IFI6: variants seen among roughly 807,000 people sequenced by gnomAD.
IFI6 encodes interferon alpha-inducible protein 6.
In IFI6, 10 loss-of-function variants were observed where a neutral mutation model predicts 12.7. That is an observed-to-expected ratio of 0.79 (90% CI 0.49 to 1.33). The LOEUF is 1.33. Among genes scored for constraint, IFI6 ranks in the 40% most tolerant of loss-of-function variants. The probability of loss-of-function intolerance (pLI) is 0.00; values close to 1 mark genes in which losing one functional copy is unlikely to be tolerated. For missense variants in IFI6, 154 were observed against 180.4 expected, an observed-to-expected ratio of 0.85 and a Z score of 0.84; for synonymous variants, 89 against 86.2, an observed-to-expected ratio of 1.03 and a Z score of -0.18.
At chr1:27,671,611 C>T (rs2090405010) in intron 1 of IFI6, among the ~76,000 whole-genome samples, 1 of 151,790 alleles carries the variant, frequency 6.6e-6, no homozygotes, top group African/African-American at 2.4e-5. Context: ...TGGTCTCGAT[C>T]TCCTGACCTC....
rs10649401 is a variant in IFI6, at chr1:27,666,289, C to CAAA, written c.*89_*91dup. 0.11 allele frequency: 26,890 copies of CAAA among 241,052 alleles called. 718 individuals carry two copies. The highest frequency in any genetic ancestry group is 0.21 in the African/African-American group (4,074 of 19,338). The allele number at this position is 241,052 out of a possible 1,614,324, so 14.9% of individuals were successfully genotyped here. ...TGGACAATATAGTGAGAACCCATCT[C>CAAA]AAAAAAAAAAAAAAAAAAAAAAAGG... On this transcript the variant is annotated 3_prime_UTR_variant, in exon 5 of 5. Transcript: ENST00000361157.
chr1:27,669,702 T>C, intron 1 of IFI6: 1 of 271,780 alleles, frequency 3.7e-6, no homozygotes, highest in South Asian at 3.8e-5. Context: ...TGTTTATTTC[T>C]AAAATTGGGG....
intron 2 of IFI6, 32 bp downstream of exon 2, chr1:27,669,213 C>CAG (rs1333875609): frequency 6.5e-7 from 1 of 1,546,006 alleles, no homozygotes; most frequent in Non-Finnish European, 8.8e-7. Flanking sequence ...CCTTACCTGT[C>CAG]CCCTTACCTG....
chr1:27,666,893 G>T (rs541344892), intron 4 of IFI6, among the ~76,000 whole-genome samples: 1 of 152,248 alleles, frequency 6.6e-6, no homozygotes, highest in East Asian at 1.9e-4. Flanking sequence ...CATTGCAGGG[G>T]TGTGGCCCCG....
intron 4 of IFI6, among the ~76,000 whole-genome samples, chr1:27,667,794 G>C (rs1283536663): frequency 1.3e-5 from 2 of 152,220 alleles, no homozygotes; most frequent in Non-Finnish European, 2.9e-5. Context: ...TTTCTGGCCG[G>C]ACGCGGTGAC....
chr1:27,670,350 C>T (rs2090394920), intron 1 of IFI6: 1 of 152,126 alleles, frequency 6.6e-6, no homozygotes, highest in African/African-American at 2.4e-5. Context: ...GCAGTGGCCC[C>T]ATCTCAGCTC....
At chr1:27,666,749 G>A (rs2808429) in intron 4 of IFI6, among the ~76,000 whole-genome samples, 124,251 of 152,106 alleles carry the variant, frequency 0.82, 54,543 homozygotes, top group Non-Finnish European at 0.97. Context: ...AGCCACCTTC[G>A]TGGAGCCCTG....
At chr1:27,667,240 CAAAAAAAAAA>C (rs761365595) in intron 4 of IFI6, among the ~76,000 whole-genome samples, 2 of 12,268 alleles carry the variant, frequency 1.6e-4, no homozygotes, top group Non-Finnish European at 2.2e-4. Flanking sequence ...CCCGTCTCTA[CAAAAAAAAAA>C]AAAAAAAAAA....
chr1:27,666,966 A>C (rs367614897), intron 4 of IFI6, among the ~76,000 whole-genome samples: 1 of 150,150 alleles, frequency 6.7e-6, no homozygotes, highest in Middle Eastern at 3.4e-3. Context: ...GAATTGAGAG[A>C]AGAGAAGATG....
chr1:27,671,102 TCA>T (rs1026856612), intron 1 of IFI6, among the ~76,000 whole-genome samples: 2 of 152,186 alleles, frequency 1.3e-5, no homozygotes, highest in Non-Finnish European at 2.9e-5. Context: ...GCCCTCAGAC[TCA>T]CCTCTAATAT....
Position 27,668,364 on chromosome 1 carries a change from C to T in IFI6, c.160G>A (p.Ala54Thr). 3 of 1,567,030 alleles carry T rather than the reference C, an allele frequency of 1.9e-6. No homozygotes were observed. Among genetic ancestry groups the T allele is most frequent in the Non-Finnish European group, 2.6e-6 (3 of 1,155,822 alleles). ...FMAVGGGLAVAGLPALGFTGA... is the reference protein window; with the variant it reads ...FMAVGGGLAVTGLPALGFTGA... ...GTGAAGCCCAGCGCGGGCAGCCCGG[C>T]GACTGCGAGTCCTGGAGGAACAGGA... is the stretch of plus-strand genomic sequence containing the variant. Residue 54 changes from alanine to threonine, a missense_variant, in exon 4 of 5, where the codon GCC becomes ACC. Ala to Thr is a moderately conservative substitution (Grantham distance 58). Transcript: ENST00000361157.
At chr1:27,667,713 G>A (rs966166494) in intron 4 of IFI6, among the ~76,000 whole-genome samples, 9 of 152,312 alleles carry the variant, frequency 5.9e-5, no homozygotes, top group Middle Eastern at 6.8e-3. Flanking sequence ...GGGGCTTCTC[G>A]CATTGTACTG....
intron 4 of IFI6, among the ~76,000 whole-genome samples, chr1:27,667,584 T>C (rs567699378): frequency 1.3e-5 from 2 of 152,316 alleles, no homozygotes; most frequent in African/African-American, 4.8e-5. Flanking sequence ...GTCTCTGAGA[T>C]TGAGCAGATT....
rs1452814594 is a variant in IFI6, at chr1:27,669,544, G to A, written c.-32-198C>T. ...AGAGATGTCCCTGCCCCAACCGGTG[G>A]GTGTGCGGATTCTGTGCGGATTCGC... On this transcript the variant is annotated intron_variant, in intron 1 of 4. Transcript: ENST00000361157. The A allele has an allele frequency of 1.1e-5, 6 of 531,786 alleles. No homozygotes were observed. In the Middle Eastern group the frequency reaches 2.1e-3, roughly 186 times the overall value. The allele number at this position is 531,786 out of a possible 1,614,324, so 32.9% of individuals were successfully genotyped here.
At chr1:27,668,614 G>A in intron 2 of IFI6, 79 bp from the exon 3 acceptor site, 1 of 1,168,100 alleles carries the variant, frequency 8.6e-7, no homozygotes, top group South Asian at 1.4e-5. Flanking sequence ...TGATGCTCAG[G>A]ACCACTCCTG....
At position 27,668,269 on chromosome 1, in the gene IFI6, G is replaced by A. The variant is rs1186172932; in HGVS notation, c.255C>T (p.Gly85=). 7.0e-6 allele frequency: 11 copies of A among 1,579,586 alleles called. No individual in the cohort carries two copies. Among genetic ancestry groups the A allele is most frequent in the Non-Finnish European group, 9.4e-6 (11 of 1,167,812 alleles). The change falls in exon 4 of 5, where the codon GGC becomes GGT. Residue 85 remains glycine, a synonymous_variant. Coordinates refer to ENST00000361157, the MANE Select transcript of IFI6 (RefSeq NM_002038.4). ...LMSWSAILNG[G]GVPAGGLVAT... is the part of the protein sequence containing the mutation. The stretch of plus-strand genomic sequence containing the variant: ...CCACTAGCCCCCCGGCGGGCACGCC[G>A]CCCCCATTCAGGATCGCAGACCAGC...
At chr1:27,667,629 G>C (rs953540431) in intron 4 of IFI6, among the ~76,000 whole-genome samples, 1 of 152,148 alleles carries the variant, frequency 6.6e-6, no homozygotes, top group Non-Finnish European at 1.5e-5. Context: ...TCATCCCCAC[G>C]CACCGCTGAG....
Position 27,669,295 on chromosome 1 carries a change from G to A in IFI6, c.20C>T (p.Ser7Leu). The change falls in exon 2 of 5, where the codon TCG (serine) becomes TTG (leucine). Residue 7 changes from serine to leucine, a missense_variant. Coordinates refer to ENST00000361157, the MANE Select transcript of IFI6 (RefSeq NM_002038.4). ...GAGCAGCAGGTAGCACAAGAAAAGC[G>A]ATACCGCCTTCTGCCGCATGGTGGC... Reference protein sequence around the residue: MRQKAVSLFLCYLLLFT... With the variant: MRQKAVLLFLCYLLLFT... The A allele has an allele frequency of 3.9e-6, 6 of 1,552,658 alleles. No homozygotes were observed. The highest frequency in any genetic ancestry group is 2.4e-5 in the South Asian group (2 of 84,130).
chr1:27,671,057 C>T (rs17162722), intron 1 of IFI6, among the ~76,000 whole-genome samples: 2,891 of 152,292 alleles, frequency 0.019, 79 homozygotes, highest in African/African-American at 0.059. Context: ...AACCTATGCT[C>T]TTTCCTTTAT....
Sources: gnomAD v4.1 joint callset for allele counts (sites outside exome capture counted in the v4.1 genomes callset) on GRCh38, gnomAD v4.1.1 for gene constraint, MANE v1.5 for transcripts, NCBI Gene and HGNC (gene_info 2026-07-23, HGNC 2026-07-21) for gene names.